The following LIG1 variants were observed in gnomAD, a reference collection of about 807,000 sequenced individuals.
LIG1 encodes DNA ligase 1.
Under a neutral mutation model 115.7 loss-of-function variants are expected in LIG1, and 70 were observed. The ratio of observed to expected loss-of-function variants is 0.60; its 90% CI spans 0.50 to 0.74. LIG1 has a LOEUF of 0.74. Ranked by LOEUF, LIG1 falls within the 30% of genes least tolerant of loss-of-function variation. The pLI, the probability that LIG1 is intolerant of heterozygous loss-of-function variation, is 0.00. For missense variants in LIG1, 1,115 were observed against 1,225.6 expected (o/e 0.91, Z 1.35); for synonymous variants, 487 against 495.3 (o/e 0.98, Z 0.22).
rs56266863 is a variant in LIG1, at chr19:48,133,401, A to C, written c.1610-304T>G. On this transcript the variant is annotated intron_variant, in intron 17 of 27. Coordinates refer to ENST00000263274, the MANE Select transcript of LIG1 (RefSeq NM_000234.3). Reference sequence around the variant, plus strand: ...TCTGCGTCCCTCCTCCCACAATTAGAACAGGGAAGTGAGCCACATTTGATC... The same window carrying C: ...TCTGCGTCCCTCCTCCCACAATTAGCACAGGGAAGTGAGCCACATTTGATC... 1.8e-4 allele frequency: 75 copies of C among 417,144 alleles called. 2 individuals are homozygous for C. The East Asian group carries it at 3.6e-3, about 20-fold the overall frequency. The allele number at this position is 417,144 out of a possible 1,614,324, so 25.8% of individuals were successfully genotyped here.
chr19:48,152,103 CT>C (rs749730870), intron 6 of LIG1, among the ~76,000 whole-genome samples: 6 of 152,092 alleles, frequency 3.9e-5, no homozygotes, highest in Non-Finnish European at 5.9e-5. Flanking sequence ...AAAATTTGTA[CT>C]AAAAATTGTC....
Position 48,140,152 on chromosome 19 carries a change from G to T in LIG1, c.915-9C>A. ...TCTCCACCATCCGGAGCCTGGAGGA[G>T]GGGACGGGGGTATGAACACGTGGTT... On this transcript the variant is annotated splice_polypyrimidine_tract_variant and intron_variant, in intron 11 of 27. Coordinates refer to ENST00000263274, the MANE Select transcript of LIG1 (RefSeq NM_000234.3). 6.2e-7 allele frequency: 1 copy of T among 1,611,574 alleles called. No homozygotes were observed. Among genetic ancestry groups the T allele is most frequent in the Non-Finnish European group, 8.5e-7 (1 of 1,179,616 alleles).
chr19:48,143,674 C>T (rs1218742451), intron 10 of LIG1, 75 bp from the exon 11 acceptor site: 1 of 1,333,626 alleles, frequency 7.5e-7, no homozygotes, highest in Non-Finnish European at 1.1e-6. Flanking sequence ...CCCTTGCTTC[C>T]TCACGCCTCC....
chr19:48,117,881 G>C, intron 25 of LIG1, 100 bp from the exon 26 acceptor site: 1 of 1,278,302 alleles, frequency 7.8e-7, no homozygotes. Flanking sequence ...AAAAAAACAG[G>C]CACCCCCTTG....
intron 2 of LIG1, among the ~76,000 whole-genome samples, chr19:48,163,130 C>G (rs1042696493): frequency 2.0e-5 from 3 of 151,620 alleles, no homozygotes; most frequent in Admixed American, 1.3e-4. Context: ...GTTGGCCAGG[C>G]CAGTCTCAAA....
In LIG1 at chr19:48,158,830, C is replaced by G. The variant is rs185621333; in HGVS notation, c.244-1690G>C. Among the ~76,000 whole-genome samples, 192 of 152,340 alleles carry G rather than the reference C, an allele frequency of 1.3e-3. 1 individual carries two copies. Among genetic ancestry groups the G allele is most frequent in the African/African-American group, 4.2e-3 (174 of 41,592 alleles). On this transcript the variant is annotated intron_variant, in intron 4 of 27. Transcript: ENST00000263274. ...GTTGCAGGCTCTCGGGGCACCTTCTCTAAGCTCAGAGACCTGCCAGCAGTC... is the reference window on the plus strand; with the variant it reads ...GTTGCAGGCTCTCGGGGCACCTTCTGTAAGCTCAGAGACCTGCCAGCAGTC...
In LIG1 at chr19:48,115,923, T is replaced by C; in HGVS notation, c.2626A>G (p.Ile876Val). 1 of 1,613,990 alleles carries C rather than the reference T, an allele frequency of 6.2e-7. No homozygotes were observed. The highest frequency in any genetic ancestry group is 2.2e-5 in the East Asian group (1 of 44,850). Residue 876 changes from isoleucine to valine, a missense_variant, in exon 27 of 28, where the codon ATT becomes GTT. Physicochemically the swap from Ile to Val is conservative, Grantham distance 29 (BLOSUM62 3). Coordinates refer to ENST00000263274, the MANE Select transcript of LIG1 (RefSeq NM_000234.3). Reference protein sequence around the residue: ...KGISLRFPRFIRVREDKQPEQ... With the variant: ...KGISLRFPRFVRVREDKQPEQ... ...GGCTGCTTGTCTTCACGGACTCGAA[T>C]AAACCGAGGGAAGCGAAGGGAGATG...
intron 18 of LIG1, among the ~76,000 whole-genome samples, chr19:48,131,651 C>G (rs2034031275): frequency 6.6e-6 from 1 of 152,082 alleles, no homozygotes; most frequent in Admixed American, 6.6e-5. Context: ...TAGAGCCAGG[C>G]TGGTCTTGAA....
At chr19:48,133,123 A>AGGAGAGGGAAGGCAATGGATT (rs1452813142) in intron 17 of LIG1, 26 bp from the exon 18 acceptor site, 7 of 1,424,686 alleles carry the variant, frequency 4.9e-6, no homozygotes, top group Non-Finnish European at 6.9e-6. Context: ...AGTGAGTTAG[A>AGGAGAGGGAAGGCAATGGATT]GGAGAGGGAA....
intron 24 of LIG1, chr19:48,120,430 T>A: frequency 1.0e-6 from 1 of 985,448 alleles, no homozygotes; most frequent in Non-Finnish European, 1.2e-6. Context: ...CACTACTGCG[T>A]GTCTCTGGGT....
rs1429563729 is a variant in LIG1, at chr19:48,170,313, G to A, written c.-130C>T. The A allele has an allele frequency of 4.5e-6, 2 of 449,254 alleles. No individual in the cohort carries two copies. The highest frequency in any genetic ancestry group is 2.0e-5 in the African/African-American group (1 of 48,814). 27.8% of individuals were successfully genotyped at this position (449,254 alleles called of 1,614,324 possible). A position where few individuals can be genotyped will look rare whatever the true frequency, so the allele number is the denominator to read the frequency against. On this transcript the variant is annotated 5_prime_UTR_variant, in exon 1 of 28. Coordinates refer to ENST00000263274, the MANE Select transcript of LIG1 (RefSeq NM_000234.3). ...GCCAGGCGCGCCTCTGCAGTCCCAA[G>A]TTCGCGCCACGGCATTCGCGCGCAG...
intron 10 of LIG1, 27 bp downstream of exon 10, chr19:48,143,856 G>A: frequency 1.3e-6 from 2 of 1,583,216 alleles, no homozygotes; most frequent in South Asian, 1.1e-5. Context: ...ACCGGAGGGG[G>A]ACAGTCTGAA....
chr19:48,137,665 C>A lies in LIG1; in HGVS notation c.1111G>T (p.Ala371Ser). ...ACGTCGCCTTTCTCGGCTGCCTCAGCCCGGACGGACTCCAGCTGCCGACCT... is the reference window on the plus strand; with the variant it reads ...ACGTCGCCTTTCTCGGCTGCCTCAGACCGGACGGACTCCAGCTGCCGACCT... ...ATGRQLESVRAEAAEKGDVGL... is the reference protein window; with the variant it reads ...ATGRQLESVRSEAAEKGDVGL... Residue 371 changes from alanine to serine, a missense_variant, in exon 13 of 28, where the codon GCT (alanine) becomes TCT (serine). Transcript: ENST00000263274. The surrounding 1 kb of genome is among the most constrained non-coding windows in gnomAD (Gnocchi z 4.3). 1.9e-6 allele frequency: 3 copies of A among 1,605,558 alleles called. No homozygotes were observed. In the South Asian group the frequency reaches 3.3e-5, roughly 18 times the overall value.
intron 10 of LIG1, 119 bp from the exon 11 acceptor site, chr19:48,143,718 G>C: frequency 9.3e-7 from 1 of 1,078,870 alleles, no homozygotes; most frequent in Non-Finnish European, 1.4e-6. Context: ...AAATGCATGA[G>C]CTCACTTCCC....
rs907202347 is a variant in LIG1 at position 48,144,062 on chromosome 19, G to C, written c.777-99C>G. The C allele has an allele frequency of 5.0e-6, 5 of 994,976 alleles. No individual in the cohort carries two copies. In the Admixed American group the frequency reaches 5.1e-5, roughly 10 times the overall value. 61.6% of individuals were successfully genotyped at this position (994,976 alleles called of 1,614,324 possible). A position where few individuals can be genotyped will look rare whatever the true frequency, so the allele number is the denominator to read the frequency against. ...GTGCCAGGCTCTGTTCAAGGCACACGGTGCAGAGCTGGATGAAAACAAAGT... is the reference window on the plus strand; with the variant it reads ...GTGCCAGGCTCTGTTCAAGGCACACCGTGCAGAGCTGGATGAAAACAAAGT... On this transcript the variant is annotated intron_variant, in intron 9 of 27. Transcript: ENST00000263274.
rs763492310 is a variant in LIG1, at chr19:48,165,561, C to A, written c.6G>T (p.Gln2His). The part of the protein sequence containing the change: M[Q>H]RSIMSFFHPK... ...GGGAGGGTGCTCACATGATACTTCG[C>A]TGCATGTTGGCGTCAGAATTCTCCC... is the stretch of plus-strand genomic sequence containing the variant. The change falls in exon 2 of 28, where the codon CAG becomes CAT. Residue 2 changes from glutamine (Q) to histidine (H), a missense_variant. Transcript: ENST00000263274. 1 of 1,613,202 alleles carries A rather than the reference C, an allele frequency of 6.2e-7. No individual in the cohort carries two copies. Among genetic ancestry groups the A allele is most frequent in the Non-Finnish European group, 8.5e-7 (1 of 1,179,164 alleles).
chr19:48,163,420 C>T (rs887204757), intron 2 of LIG1, among the ~76,000 whole-genome samples: 8 of 151,934 alleles, frequency 5.3e-5, no homozygotes, highest in Admixed American at 2.6e-4. Flanking sequence ...GGGGTTTCAC[C>T]ATGTTGGTCA....
At chr19:48,135,606 C>T (rs768325533) in intron 16 of LIG1, 74 bp downstream of exon 16, 48 of 1,180,866 alleles carry the variant, frequency 4.1e-5, no homozygotes, top group Non-Finnish European at 5.3e-5. Flanking sequence ...CCACCCACTG[C>T]TCCTCTGGCT....
At chr19:48,150,287 G>A (rs1190690456) in intron 7 of LIG1, 77 bp from the exon 8 acceptor site, 3 of 1,596,820 alleles carry the variant, frequency 1.9e-6, no homozygotes, top group South Asian at 2.2e-5. Flanking sequence ...TTACCCCCAA[G>A]ATCATTCTGA....
Sources: gnomAD v4.1 joint callset for allele counts (sites outside exome capture counted in the v4.1 genomes callset) on GRCh38, gnomAD v4.1.1 for gene constraint, Gnocchi (gnomAD v3.1) non-coding constraint, MANE v1.5 for transcripts, NCBI Gene and HGNC (gene_info 2026-07-23, HGNC 2026-07-21) for gene names.